Variants in MIS18A observed in about 807,000 individuals in gnomAD.
MIS18A encodes the protein MIS18 kinetochore protein A.
A neutral mutation model predicts 25.0 loss-of-function variants in MIS18A; 14 were observed. The ratio of observed to expected loss-of-function variants is 0.56; its 90% CI spans 0.37 to 0.88. The LOEUF is 0.88. MIS18A is among the 40% of genes least tolerant of loss of function. The probability of loss-of-function intolerance (pLI) is 0.00; values close to 1 mark genes in which losing one functional copy is unlikely to be tolerated. For synonymous variants in MIS18A, 134 were observed against 118.6 expected (o/e 1.13, Z -0.84); for missense variants, 292 against 290.8 (o/e 1.00, Z -0.03).
chr21:32,215,437 G>A, the MIS18A span, among the ~76,000 whole-genome samples: 1 of 152,144 alleles, frequency 6.6e-6, no homozygotes, highest in East Asian at 1.9e-4. Flanking sequence ...TCCCAGCAAG[G>A]CTGATTTCCC....
the MIS18A span, among the ~76,000 whole-genome samples, chr21:32,222,383 C>T: frequency 1.1e-4 from 16 of 152,104 alleles, no homozygotes; most frequent in Non-Finnish European, 1.9e-4. Flanking sequence ...GACAGATCAA[C>T]GAGACAGAAA....
downstream of MIS18A, among the ~76,000 whole-genome samples, chr21:32,263,939 C>CT (rs2031552023): frequency 6.6e-6 from 1 of 151,934 alleles, no homozygotes; most frequent in Admixed American, 6.6e-5. Context: ...TGGCTCTCCC[C>CT]TGCACACCAC....
At chr21:32,228,323 G>A in the MIS18A span, among the ~76,000 whole-genome samples, 2 of 152,162 alleles carry the variant, frequency 1.3e-5, no homozygotes, top group Non-Finnish European at 2.9e-5. Flanking sequence ...TCTTGACCTA[G>A]TGATCCGCCC....
At chr21:32,213,929 G>A in the MIS18A span, among the ~76,000 whole-genome samples, 224 of 152,252 alleles carry the variant, frequency 1.5e-3, no homozygotes, top group Non-Finnish European at 2.5e-3. Context: ...TGGGTAAACC[G>A]GGATAATGAA....
intron 4 of MIS18A, 67 bp downstream of exon 4, chr21:32,269,640 G>T: frequency 1.1e-6 from 1 of 904,168 alleles, no homozygotes; most frequent in Non-Finnish European, 1.8e-6. Flanking sequence ...ATTATCGTTT[G>T]TGGGGGAGCA....
the MIS18A span, among the ~76,000 whole-genome samples, chr21:32,214,714 C>T: frequency 9.8e-5 from 15 of 152,320 alleles, no homozygotes; most frequent in African/African-American, 3.4e-4. Flanking sequence ...ACAGAAATAA[C>T]AGCAATGACA....
At chr21:32,170,837 C>A in the MIS18A span, among the ~76,000 whole-genome samples, 10 of 152,010 alleles carry the variant, frequency 6.6e-5, no homozygotes, top group Non-Finnish European at 1.5e-4. Flanking sequence ...ACCCAAAAAT[C>A]AATCAACATA....
At chr21:32,203,621 T>C in the MIS18A span, among the ~76,000 whole-genome samples, 1 of 141,288 alleles carries the variant, frequency 7.1e-6, no homozygotes, top group East Asian at 2.0e-4. Context: ...TGCTTTTTTT[T>C]TTTTTTTTTT....
chr21:32,240,608 T>A, the MIS18A span, among the ~76,000 whole-genome samples: 1 of 152,206 alleles, frequency 6.6e-6, no homozygotes, highest in African/African-American at 2.4e-5. Context: ...TACAGGATGG[T>A]GATAATAATA....
the MIS18A span, among the ~76,000 whole-genome samples, chr21:32,169,850 A>G: frequency 6.6e-6 from 1 of 152,192 alleles, no homozygotes; most frequent in African/African-American, 2.4e-5. Flanking sequence ...TCACTAGAAA[A>G]ACAAACAACA....
the MIS18A span, among the ~76,000 whole-genome samples, chr21:32,253,173 A>C: frequency 0.19 from 28,170 of 151,920 alleles, 2,860 homozygotes; most frequent in East Asian, 0.23. Flanking sequence ...CACGACCCCC[A>C]GCATCAGAGT....
rs540849373 is a variant in MIS18A, at chr21:32,268,607, T to A, written c.*430A>T. 1.3e-5 allele frequency: 2 copies of A among 152,484 alleles called. No homozygotes were observed. Among genetic ancestry groups the A allele is most frequent in the African/African-American group, 4.8e-5 (2 of 41,584 alleles). The allele number at this position is 152,484 out of a possible 1,614,324, so 9.4% of individuals were successfully genotyped here. A position where few individuals can be genotyped will look rare whatever the true frequency, so the allele number is the denominator to read the frequency against. The stretch of plus-strand genomic sequence containing the variant: ...CCCAAGTGTTAAATGTCAAAGTTTT[T>A]AAAAATAGTAAATAAATGTGATACA... On this transcript the variant is annotated 3_prime_UTR_variant, in exon 5 of 5. Transcript: ENST00000290130.
chr21:32,183,795 T>A, the MIS18A span, among the ~76,000 whole-genome samples: 4 of 152,180 alleles, frequency 2.6e-5, no homozygotes, highest in African/African-American at 9.6e-5. Context: ...TTTGCTGTTG[T>A]CCAAAACCCA....
At chr21:32,189,863 T>C in the MIS18A span, among the ~76,000 whole-genome samples, 1 of 152,200 alleles carries the variant, frequency 6.6e-6, no homozygotes, top group Non-Finnish European at 1.5e-5. Flanking sequence ...TGTATTTCTC[T>C]CTGCACCGAC....
At chr21:32,158,203 T>C in the MIS18A span, among the ~76,000 whole-genome samples, 1 of 152,240 alleles carries the variant, frequency 6.6e-6, no homozygotes, top group South Asian at 2.1e-4. Flanking sequence ...TTTCCTTACT[T>C]AGATAATTAG....
chr21:32,270,284 C>A, intron 3 of MIS18A, 123 bp downstream of exon 3: 4 of 1,134,896 alleles, frequency 3.5e-6, no homozygotes, highest in Non-Finnish European at 4.8e-6. Context: ...AAATTACTGG[C>A]TTGTTAGAAA....
the MIS18A span, among the ~76,000 whole-genome samples, chr21:32,252,584 G>A: frequency 6.6e-6 from 1 of 152,184 alleles, no homozygotes; most frequent in South Asian, 2.1e-4. Flanking sequence ...TCTGAAGAAT[G>A]AGTGTACTCT....
the MIS18A span, among the ~76,000 whole-genome samples, chr21:32,226,282 A>AC: frequency 6.6e-6 from 1 of 150,524 alleles, no homozygotes; most frequent in Non-Finnish European, 1.5e-5. Flanking sequence ...AAGTATAATA[A>AC]AAAAAAAAGA....
chr21:32,258,225 CAT>C, the MIS18A span, among the ~76,000 whole-genome samples: 1 of 152,260 alleles, frequency 6.6e-6, no homozygotes, highest in South Asian at 2.1e-4. Flanking sequence ...AAAGAGAAAA[CAT>C]AATTAACTTC....
Sources: allele counts gnomAD v4.1 joint callset (sites outside exome capture counted in the v4.1 genomes callset), GRCh38; gene constraint gnomAD v4.1.1; transcripts MANE v1.5; gene names NCBI Gene and HGNC (gene_info 2026-07-23, HGNC 2026-07-21).